Variants in CTSH observed in about 807,000 individuals in gnomAD.
The protein encoded by CTSH is cathepsin H.
A neutral mutation model predicts 56.3 loss-of-function variants in CTSH; 52 were observed. The observed-to-expected ratio is 0.92, with a 90% CI of 0.74 to 1.16. The LOEUF is 1.16. CTSH is among the 50% of genes most tolerant of loss of function. CTSH has a pLI of 0.00. For synonymous variants in CTSH, 174 were observed against 155.7 expected, an observed-to-expected ratio of 1.12 and a Z score of -0.88; for missense variants, 406 against 424.5, an observed-to-expected ratio of 0.96 and a Z score of 0.38.
Position 78,934,982 on chromosome 15 carries a change from T to G in CTSH, c.401A>C (p.Asn134Thr). Residue 134 changes from asparagine to threonine, a missense_variant, in exon 5 of 12, where the codon AAT becomes ACT. Physicochemically the swap from Asn to Thr is moderately conservative, Grantham distance 65. Transcript: ENST00000220166. ...GATGGAGATTGCCAGGCATACCTGATTTTTCACAGGTGAGACAAAATTTCC... is the reference window on the plus strand; with the variant it reads ...GATGGAGATTGCCAGGCATACCTGAGTTTTCACAGGTGAGACAAAATTTCC... ...KKGNFVSPVK[N>T]QGACGSCWTF... The G allele has an allele frequency of 6.2e-7, 1 of 1,610,140 alleles. No individual in the cohort carries two copies. Among genetic ancestry groups the G allele is most frequent in the Non-Finnish European group, 8.5e-7 (1 of 1,176,364 alleles).
Position 78,937,854 on chromosome 15 carries a change from A to C in CTSH, c.124-431T>G, listed in dbSNP as rs762349101. 36 of 1,249,760 alleles carry C rather than the reference A, an allele frequency of 2.9e-5. 1 individual carries two copies. The South Asian group carries it at 4.4e-4, about 15-fold the overall frequency. The allele number at this position is 1,249,760 out of a possible 1,614,324, so 77.4% of individuals were successfully genotyped here. The stretch of plus-strand genomic sequence containing the variant: ...AACAAATGTGTATAATTTTTTATTG[A>C]TATATAACTGATGTACTTTTTTTGG... On this transcript the variant is annotated intron_variant, in intron 2 of 11. Coordinates refer to ENST00000220166, the MANE Select transcript of CTSH (RefSeq NM_004390.5).
chr15:78,923,259 T>C (rs1221500524), intron 10 of CTSH, 141 bp from the exon 11 acceptor site: 27 of 835,496 alleles, frequency 3.2e-5, no homozygotes, highest in Non-Finnish European at 5.1e-5. Context: ...GGTGATGTAA[T>C]CACATTTAGT....
chr15:78,943,519 C>T (rs183984684), intron 1 of CTSH, among the ~76,000 whole-genome samples: 4 of 152,132 alleles, frequency 2.6e-5, no homozygotes, highest in Admixed American at 6.6e-5. Flanking sequence ...TGTGAGCCAC[C>T]GCAGCCGGTC....
chr15:78,932,200 C>T (rs559100224), intron 6 of CTSH, among the ~76,000 whole-genome samples, 172 bp downstream of exon 6: 17 of 152,260 alleles, frequency 1.1e-4, no homozygotes, highest in Admixed American at 3.9e-4. Context: ...AGATCCTTCC[C>T]GGGAAAAGCA....
In CTSH at chr15:78,935,057, T is replaced by C. The variant is rs1239942196; in HGVS notation, c.326A>G (p.Tyr109Cys). 1.9e-6 allele frequency: 3 copies of C among 1,614,040 alleles called. No individual in the cohort carries two copies. Among genetic ancestry groups the C allele is most frequent in the Non-Finnish European group, 2.5e-6 (3 of 1,179,890 alleles). The part of the protein sequence containing the change: ...PQNCSATKSN[Y>C]LRGTGPYPPS... ...TGGGTAGGGACCAGTACCTCGAAGG[T>C]AGTTACTTTTGGTGGCTGAGCAATT... Residue 109 changes from tyrosine to cysteine, a missense_variant, in exon 5 of 12, where the codon TAC becomes TGC. Tyr to Cys is a radical substitution (Grantham distance 194). Transcript: ENST00000220166.
chr15:78,942,369 C>T (rs534409120), intron 1 of CTSH, among the ~76,000 whole-genome samples: 8 of 152,232 alleles, frequency 5.3e-5, no homozygotes, highest in African/African-American at 1.7e-4. Flanking sequence ...CCCACCACCA[C>T]GCCCGGCTAA....
At chr15:78,928,288 C>T (rs936576146) in intron 8 of CTSH, among the ~76,000 whole-genome samples, 1 of 151,906 alleles carries the variant, frequency 6.6e-6, no homozygotes, top group Non-Finnish European at 1.5e-5. Context: ...GGAGAGTTGG[C>T]CGGGCACGGT....
At chr15:78,937,015 G>C in intron 3 of CTSH, 1 of 345,946 alleles carries the variant, frequency 2.9e-6, no homozygotes. Context: ...CCTACCCCCC[G>C]CAACAATCCA....
intron 1 of CTSH, among the ~76,000 whole-genome samples, chr15:78,939,559 T>C (rs1167673989): frequency 6.6e-6 from 1 of 152,232 alleles, no homozygotes; most frequent in Non-Finnish European, 1.5e-5. Context: ...CCTTTCTGTA[T>C]GAAGTTATAT....
chr15:78,933,621 A>T (rs1314653253), intron 5 of CTSH: 1 of 427,048 alleles, frequency 2.3e-6, no homozygotes, highest in Non-Finnish European at 4.7e-6. Flanking sequence ...AGACGTGGCC[A>T]CTTCGGGGGA....
chr15:78,935,260 G>C (rs999829312), intron 4 of CTSH, among the ~76,000 whole-genome samples, 178 bp from the exon 5 acceptor site: 1 of 152,172 alleles, frequency 6.6e-6, no homozygotes, highest in South Asian at 2.1e-4. Flanking sequence ...ATGTCCCCTT[G>C]AGAGTCCAGA....
intron 7 of CTSH, among the ~76,000 whole-genome samples, chr15:78,930,273 C>G (rs1181370548): frequency 6.6e-6 from 1 of 152,208 alleles, no homozygotes; most frequent in Non-Finnish European, 1.5e-5. Context: ...CACCTGTAAT[C>G]CCAGCACTTT....
At chr15:78,931,863 C>A (rs149914904) in intron 6 of CTSH, 2 of 1,248,918 alleles carry the variant, frequency 1.6e-6, no homozygotes. Flanking sequence ...GAGACCCTAC[C>A]CCCACCTGTC....
Position 78,929,496 on chromosome 15 carries a change from G to A in CTSH, c.549-3C>T. On this transcript the variant is annotated splice_region_variant and splice_polypyrimidine_tract_variant and intron_variant, in intron 7 of 11. Coordinates refer to ENST00000220166, the MANE Select transcript of CTSH (RefSeq NM_004390.5). ...CGAAAGCCTGGCTGGGGAGACCCCT[G>A]CAAGAAGTACACACAGGTGAGCCCA... The A allele has an allele frequency of 2.5e-6, 4 of 1,608,368 alleles. No homozygotes were observed. The highest frequency in any genetic ancestry group is 3.4e-6 in the Non-Finnish European group (4 of 1,176,908).
chr15:78,921,909 C>G lies in CTSH; in HGVS notation c.*221G>C, dbSNP rs1463571681. 1.7e-6 allele frequency: 1 copy of G among 577,346 alleles called. No homozygotes were observed. The highest frequency in any genetic ancestry group is 2.9e-5 in the East Asian group (1 of 34,998). 35.8% of individuals were successfully genotyped at this position (577,346 alleles called of 1,614,324 possible). ...TGGTTTGAGTCTGTTAAGAAGGACA[C>G]TAAGGCACATGGCTGGTGATCTTTG... On this transcript the variant is annotated 3_prime_UTR_variant, in exon 12 of 12. Transcript: ENST00000220166.
Position 78,945,040 on chromosome 15 carries a change from G to T in CTSH, c.-59C>A. 1 of 1,351,662 alleles carries T rather than the reference G, an allele frequency of 7.4e-7. No homozygotes were observed. Among genetic ancestry groups the T allele is most frequent in the Non-Finnish European group, 9.7e-7 (1 of 1,034,422 alleles). The allele number at this position is 1,351,662 out of a possible 1,614,324, so 83.7% of individuals were successfully genotyped here. A position where few individuals can be genotyped will look rare whatever the true frequency, so the allele number is the denominator to read the frequency against. ...GTCCGCGGAGGTGGCGGCCCAGAGC[G>T]TCAACTGGGAGCGCGGGGGGGGAGC... On this transcript the variant is annotated 5_prime_UTR_variant, in exon 1 of 12. Transcript: ENST00000220166.
In CTSH at chr15:78,923,254, T is replaced by C. The variant is rs183459970; in HGVS notation, c.807-136A>G. The C allele has an allele frequency of 8.2e-5, 74 of 899,116 alleles. No homozygotes were observed. In the Middle Eastern group the frequency reaches 2.0e-3, roughly 24 times the overall value. 55.7% of individuals were successfully genotyped at this position (899,116 alleles called of 1,614,324 possible). ...ACCAGGGAGGCATGTAAGGTGGTGA[T>C]GTAATCACATTTAGTCTCCGTGAGA... On this transcript the variant is annotated intron_variant, in intron 10 of 11. Coordinates refer to ENST00000220166, the MANE Select transcript of CTSH (RefSeq NM_004390.5).
chr15:78,922,843 C>T lies in CTSH; in HGVS notation c.932+150G>A. 5 of 921,448 alleles carry T rather than the reference C, an allele frequency of 5.4e-6. No homozygotes were observed. The South Asian group carries it at 5.7e-5, about 10-fold the overall frequency. The allele number at this position is 921,448 out of a possible 1,614,324, so 57.1% of individuals were successfully genotyped here. A position where few individuals can be genotyped will look rare whatever the true frequency, so the allele number is the denominator to read the frequency against. ...GGCTTGGAAATGTGGAGGCTACATT[C>T]TCATGCTCCCTTTCCCCCTGGCCTG... On this transcript the variant is annotated intron_variant, in intron 11 of 11. Coordinates refer to ENST00000220166, the MANE Select transcript of CTSH (RefSeq NM_004390.5).
chr15:78,929,322 G>GGGGAGAA, intron 8 of CTSH, 90 bp downstream of exon 8: 1 of 980,836 alleles, frequency 1.0e-6, no homozygotes, highest in Non-Finnish European at 1.6e-6. Context: ...AGGGAGGTGG[G>GGGGAGAA]GGGAGAAGGG....
Sources: allele counts gnomAD v4.1 joint callset (sites outside exome capture counted in the v4.1 genomes callset), GRCh38; gene constraint gnomAD v4.1.1; transcripts MANE v1.5; gene names NCBI Gene and HGNC (gene_info 2026-07-23, HGNC 2026-07-21).